Variants in PHYHD1 observed in about 807,000 individuals in gnomAD.
PHYHD1 encodes phytanoyl-CoA dioxygenase domain containing 1.
Under a neutral mutation model 43.6 loss-of-function variants are expected in PHYHD1, and 42 were observed. The ratio of observed to expected loss-of-function variants is 0.96; its 90% confidence interval spans 0.75 to 1.25. The LOEUF is 1.25. Among genes scored for constraint, PHYHD1 ranks in the 50% most tolerant of loss-of-function variants. The pLI is 0.00. For synonymous variants in PHYHD1, 139 were observed against 143.6 expected (o/e 0.97, Z 0.23); for missense variants, 342 against 370.8 (o/e 0.92, Z 0.64).
intron 9 of PHYHD1, among the ~76,000 whole-genome samples, chr9:128,940,139 C>A (rs1196021873): frequency 6.6e-6 from 1 of 152,074 alleles, no homozygotes; most frequent in Non-Finnish European, 1.5e-5. Flanking sequence ...CCTCCAGCAC[C>A]CTGTGAGGTA....
rs1335642489 is a variant in PHYHD1 at position 128,938,826 on chromosome 9, C to T, written c.457+1048C>T. Among the ~76,000 whole-genome samples, 6 of 131,510 alleles carry T rather than the reference C, an allele frequency of 4.6e-5. 1 individual carries two copies. Among genetic ancestry groups the T allele is most frequent in the Admixed American group, 1.7e-4 (2 of 11,864 alleles). 86.3% of individuals were successfully genotyped at this position (131,510 alleles called of 152,430 possible). Reference sequence around the variant, plus strand: ...CCATGCAGCCACCCTTTACAGCCTCCCTAGTAGGTGATTATCTACTTCTGC... The same window carrying T: ...CCATGCAGCCACCCTTTACAGCCTCTCTAGTAGGTGATTATCTACTTCTGC... On this transcript the variant is annotated intron_variant, in intron 9 of 12. Coordinates refer to ENST00000372592, the MANE Select transcript of PHYHD1 (RefSeq NM_001100876.2).
chr9:128,938,087 A>T, intron 9 of PHYHD1: 2 of 717,042 alleles, frequency 2.8e-6, no homozygotes, highest in Non-Finnish European at 4.1e-6. Flanking sequence ...CGAGCGGATC[A>T]CCTGAGGTCA....
rs565362658 is a variant in PHYHD1, at chr9:128,941,402, A to T, written c.704-43A>T. 4 of 1,603,442 alleles carry T rather than the reference A, an allele frequency of 2.5e-6. No homozygotes were observed. In the South Asian group the frequency reaches 4.4e-5, roughly 18 times the overall value. ...TCCCTTCCTGCTCTGGGGAGGGGGG[A>T]TGTGGGGCTGGTAGGTTCCTGACCT... is the stretch of plus-strand genomic sequence containing the variant. On this transcript the variant is annotated intron_variant, in intron 11 of 12. Coordinates refer to ENST00000372592, the MANE Select transcript of PHYHD1 (RefSeq NM_001100876.2).
intron 11 of PHYHD1, among the ~76,000 whole-genome samples, chr9:128,941,048 C>T (rs1841548667): frequency 6.6e-6 from 1 of 152,192 alleles, no homozygotes; most frequent in African/African-American, 2.4e-5. Flanking sequence ...AGTGCATAGC[C>T]ACTGCTCAAC....
At chr9:128,926,550 TTTTC>T (rs1366395342) in intron 3 of PHYHD1, among the ~76,000 whole-genome samples, 11 of 148,802 alleles carry the variant, frequency 7.4e-5, no homozygotes, top group South Asian at 6.3e-4. Context: ...TCCTTTTTCT[TTTTC>T]TTTCTTTTTT....
chr9:128,933,927 C>T (rs940663216), intron 5 of PHYHD1, 70 bp downstream of exon 5: 231 of 1,604,742 alleles, frequency 1.4e-4, no homozygotes, highest in Non-Finnish European at 1.9e-4. Context: ...GAATCTGCCC[C>T]CTGGGCTGGA....
chr9:128,930,629 CAA>C (rs1201611068), intron 4 of PHYHD1, among the ~76,000 whole-genome samples: 3 of 129,814 alleles, frequency 2.3e-5, no homozygotes, highest in African/African-American at 2.9e-5. Context: ...ACCTCCGTCT[CAA>C]AAAAAAAAAG....
chr9:128,922,400 G>A (rs758155502), intron 3 of PHYHD1, 44 bp downstream of exon 3: 29 of 1,542,182 alleles, frequency 1.9e-5, no homozygotes, highest in Admixed American at 1.0e-4. Flanking sequence ...TGGCGGGGGG[G>A]TCCCTGCCGG....
chr9:128,930,180 T>A (rs1046774927), intron 4 of PHYHD1, among the ~76,000 whole-genome samples: 1 of 150,754 alleles, frequency 6.6e-6, no homozygotes, highest in African/African-American at 2.4e-5. Context: ...CTTGGGAGGC[T>A]GAGACAGGAG....
rs566507348 is a variant in PHYHD1 at position 128,938,758 on chromosome 9, C to T, written c.457+980C>T. Reference sequence around the variant, plus strand: ...TATTTTTAACAAGTTTCCTGGAGGACGAATTCAGCATAGAAATTGCTGATC... The same window carrying T: ...TATTTTTAACAAGTTTCCTGGAGGATGAATTCAGCATAGAAATTGCTGATC... On this transcript the variant is annotated intron_variant, in intron 9 of 12. Transcript: ENST00000372592. 1.6e-4 allele frequency among the ~76,000 whole-genome samples: 21 copies of T among 131,088 alleles called. 6 individuals carry two copies. Among genetic ancestry groups the T allele is most frequent in the East Asian group, 6.2e-4 (3 of 4,852 alleles). 86.0% of individuals were successfully genotyped at this position (131,088 alleles called of 152,430 possible).
At chr9:128,928,135 C>T (rs963817407) in intron 4 of PHYHD1, among the ~76,000 whole-genome samples, 2 of 152,198 alleles carry the variant, frequency 1.3e-5, no homozygotes, top group African/African-American at 4.8e-5. Flanking sequence ...AGAAATACAA[C>T]AGCCGGAAGC....
At chr9:128,931,594 G>A (rs747751673) in intron 4 of PHYHD1, among the ~76,000 whole-genome samples, 3 of 151,762 alleles carry the variant, frequency 2.0e-5, no homozygotes, top group Non-Finnish European at 4.4e-5. Flanking sequence ...GCGCGATCTC[G>A]GCTCACTGCA....
chr9:128,939,169 C>G (rs1841494403), intron 9 of PHYHD1, among the ~76,000 whole-genome samples: 1 of 131,364 alleles, frequency 7.6e-6, no homozygotes, highest in South Asian at 2.5e-4. Flanking sequence ...CGCAGTTGCC[C>G]GGGAAGGAAG....
At chr9:128,934,414 A>C (rs890775269) in intron 6 of PHYHD1, among the ~76,000 whole-genome samples, 1 of 150,816 alleles carries the variant, frequency 6.6e-6, no homozygotes, top group Non-Finnish European at 1.5e-5. Context: ...AAAAAAAAGA[A>C]AAGGAAAAAG....
intron 8 of PHYHD1, 130 bp from the exon 9 acceptor site, chr9:128,937,627 G>C: frequency 9.7e-7 from 1 of 1,033,058 alleles, no homozygotes; most frequent in Non-Finnish European, 1.5e-6. Flanking sequence ...GTGCTCAGTA[G>C]CTGGGTGTTG....
chr9:128,921,502 G>C lies in PHYHD1; in HGVS notation c.-326G>C, dbSNP rs1840997888. 1 of 152,266 alleles carries C rather than the reference G, an allele frequency of 6.6e-6. No individual in the cohort carries two copies. 9.4% of individuals were successfully genotyped at this position (152,266 alleles called of 1,614,324 possible). A position where few individuals can be genotyped will look rare whatever the true frequency, so the allele number is the denominator to read the frequency against. On this transcript the variant is annotated 5_prime_UTR_variant, in exon 1 of 13. Transcript: ENST00000372592. ...TTTAGTAGAGACGGGGTTTCACCGT[G>C]TTAGCCAGGATGGTCTCGATTTCCT...
chr9:128,922,388 C>G, intron 3 of PHYHD1, 32 bp downstream of exon 3: 1 of 1,546,728 alleles, frequency 6.5e-7, no homozygotes, highest in Non-Finnish European at 8.7e-7. Flanking sequence ...CCGGGAGGGT[C>G]ATGGCGGGGG....
chr9:128,936,839 G>C (rs546337637), intron 8 of PHYHD1, among the ~76,000 whole-genome samples, 194 bp downstream of exon 8: 16 of 152,310 alleles, frequency 1.1e-4, no homozygotes, highest in African/African-American at 3.6e-4. Flanking sequence ...TAGGGGCCGG[G>C]CGTGGTGGCT....
chr9:128,925,375 G>A (rs973754978), intron 3 of PHYHD1, among the ~76,000 whole-genome samples: 5 of 151,562 alleles, frequency 3.3e-5, no homozygotes, highest in African/African-American at 4.9e-5. Flanking sequence ...ACAGGTGCCC[G>A]CCACCGCACC....
Sources: allele counts gnomAD v4.1 joint callset (sites outside exome capture counted in the v4.1 genomes callset), GRCh38; gene constraint gnomAD v4.1.1; transcripts MANE v1.5; gene names NCBI Gene and HGNC (gene_info 2026-07-23, HGNC 2026-07-21).